Variants in SGCD observed in about 807,000 individuals in gnomAD.
SGCD encodes delta-sarcoglycan.
In SGCD, 18 loss-of-function variants were observed where a neutral mutation model predicts 36.6. The observed-to-expected ratio is 0.49, with a 90% CI of 0.34 to 0.73. The LOEUF (loss-of-function observed/expected upper bound fraction) is 0.73, where lower values mean the gene tolerates loss of function less well. SGCD is among the 30% of genes least tolerant of loss of function. The pLI is 0.01. For missense variants in SGCD, 387 were observed against 346.7 expected, an observed-to-expected ratio of 1.12 and a Z score of -0.92; for synonymous variants, 133 against 130.6, an observed-to-expected ratio of 1.02 and a Z score of -0.12.
chr5:156,288,167 G>A (rs1295793058), intron 3 of SGCD, among the ~76,000 whole-genome samples: 1 of 152,150 alleles, frequency 6.6e-6, no homozygotes, highest in Non-Finnish European at 1.5e-5. Flanking sequence ...TTTGGAAATA[G>A]TCAATTTGGT....
At chr5:156,671,738 T>G (rs776764190) in intron 7 of SGCD, among the ~76,000 whole-genome samples, 5 of 152,142 alleles carry the variant, frequency 3.3e-5, no homozygotes, top group African/African-American at 4.8e-5. Context: ...ATACCTGAGA[T>G]TGAGTAATTT....
chr5:156,361,600 G>T (rs59973825), intron 3 of SGCD, among the ~76,000 whole-genome samples: 1 of 152,192 alleles, frequency 6.6e-6, no homozygotes. Flanking sequence ...ATAAGTTTCA[G>T]TTGCTAAAAT....
intron 1 of SGCD, among the ~76,000 whole-genome samples, chr5:156,015,422 G>A (rs73810394): frequency 0.08 from 12,197 of 151,840 alleles, 1,664 homozygotes; most frequent in African/African-American, 0.28. Flanking sequence ...TTTCTGGCAC[G>A]AGATGTTCCA....
chr5:155,787,257 AC>A, the SGCD span, among the ~76,000 whole-genome samples: 1 of 152,110 alleles, frequency 6.6e-6, no homozygotes, highest in African/African-American at 2.4e-5. Flanking sequence ...TATAAAACAA[AC>A]CCCTGAAAAT....
intron 3 of SGCD, among the ~76,000 whole-genome samples, chr5:156,431,326 C>T (rs1024695597): frequency 5.7e-4 from 87 of 152,206 alleles, no homozygotes; most frequent in African/African-American, 2.0e-3. Flanking sequence ...CTGATTATCT[C>T]GATTATCTCC....
At position 156,765,042 on chromosome 5, in the gene SGCD, C is replaced by T. The variant is rs999130825; in HGVS notation, c.*5652C>T. 1 of 152,212 alleles carries T rather than the reference C, an allele frequency of 6.6e-6. No homozygotes were observed. The highest frequency in any genetic ancestry group is 2.4e-5 in the African/African-American group (1 of 41,448). 9.4% of individuals were successfully genotyped at this position (152,212 alleles called of 1,614,324 possible). A position where few individuals can be genotyped will look rare whatever the true frequency, so the allele number is the denominator to read the frequency against. On this transcript the variant is annotated 3_prime_UTR_variant, in exon 9 of 9. Transcript: ENST00000337851. ...ACTAGTAAGTGAGTGAATTTGGCTT[C>T]ATCACTGAACATTAGCTAAGGTCAG...
the SGCD span, among the ~76,000 whole-genome samples, chr5:155,854,362 A>G: frequency 1.3e-5 from 2 of 152,184 alleles, no homozygotes; most frequent in Non-Finnish European, 2.9e-5. Context: ...TATTTCATAT[A>G]GGTTTTATTA....
intron 3 of SGCD, among the ~76,000 whole-genome samples, chr5:156,170,521 C>A (rs1763317497): frequency 6.6e-6 from 1 of 152,070 alleles, no homozygotes; most frequent in African/African-American, 2.4e-5. Flanking sequence ...AAAGATGACA[C>A]CACTTGTCAC....
At chr5:156,087,164 G>A (rs1440791853) in intron 1 of SGCD, among the ~76,000 whole-genome samples, 1 of 152,188 alleles carries the variant, frequency 6.6e-6, no homozygotes, top group Non-Finnish European at 1.5e-5. Context: ...CCACCAGGAT[G>A]GTCCTGACCT....
chr5:155,858,022 G>T, the SGCD span, among the ~76,000 whole-genome samples: 2 of 151,894 alleles, frequency 1.3e-5, no homozygotes, highest in Admixed American at 1.3e-4. Context: ...TTTATCTCTT[G>T]TGTAGGCTTA....
At chr5:156,291,027 G>T (rs571044855) in intron 3 of SGCD, among the ~76,000 whole-genome samples, 1 of 152,142 alleles carries the variant, frequency 6.6e-6, no homozygotes, top group African/African-American at 2.4e-5. Flanking sequence ...CTTAGAGCCG[G>T]CCCTTGACAT....
intron 1 of SGCD, among the ~76,000 whole-genome samples, chr5:156,082,308 C>T (rs1332610055): frequency 1.3e-5 from 2 of 151,276 alleles, no homozygotes; most frequent in African/African-American, 4.9e-5. Flanking sequence ...GTGGGGAAGT[C>T]AGAGAAACCT....
intron 3 of SGCD, among the ~76,000 whole-genome samples, chr5:156,398,728 C>A (rs115846568): frequency 6.6e-6 from 1 of 152,178 alleles, no homozygotes. Context: ...CTTACCTGTA[C>A]TTCCCCATGC....
intron 3 of SGCD, among the ~76,000 whole-genome samples, chr5:156,162,480 A>G (rs1446785558): frequency 6.6e-6 from 1 of 151,604 alleles, no homozygotes; most frequent in African/African-American, 2.4e-5. Flanking sequence ...GCAAGTGGTC[A>G]AGGACCAGGG....
At chr5:156,009,789 C>G (rs1758823923) in intron 1 of SGCD, among the ~76,000 whole-genome samples, 1 of 152,146 alleles carries the variant, frequency 6.6e-6, no homozygotes, top group Admixed American at 6.5e-5. Context: ...TTATGGCTCA[C>G]TCTGACGCCA....
chr5:156,297,651 G>T (rs1766930792), intron 3 of SGCD, among the ~76,000 whole-genome samples: 1 of 118,324 alleles, frequency 8.5e-6, no homozygotes, highest in South Asian at 3.5e-4. Context: ...GGTGGGGGGA[G>T]GGGGGCGGGA....
chr5:155,833,199 C>T, the SGCD span, among the ~76,000 whole-genome samples: 1 of 151,730 alleles, frequency 6.6e-6, no homozygotes, highest in African/African-American at 2.4e-5. Context: ...CAGTACACTC[C>T]AGCCTGGGTG....
At chr5:156,219,189 C>A (rs1043619024) in intron 3 of SGCD, among the ~76,000 whole-genome samples, 21 of 152,164 alleles carry the variant, frequency 1.4e-4, no homozygotes, top group Non-Finnish European at 2.5e-4. Context: ...CATTGGACCC[C>A]TTATCTACTT....
chr5:156,404,762 T>G (rs1371378880), intron 3 of SGCD, among the ~76,000 whole-genome samples: 1 of 152,202 alleles, frequency 6.6e-6, no homozygotes, highest in East Asian at 1.9e-4. Context: ...TTAAAATATA[T>G]CCTTTAAAAT....
Sources: allele counts gnomAD v4.1 joint callset (sites outside exome capture counted in the v4.1 genomes callset), GRCh38; gene constraint gnomAD v4.1.1; transcripts MANE v1.5; gene names NCBI Gene and HGNC (gene_info 2026-07-23, HGNC 2026-07-21).